Variants in TNFRSF9 observed in about 807,000 individuals in gnomAD.
The protein encoded by TNFRSF9 is TNF receptor superfamily member 9, also known as tumor necrosis factor receptor superfamily member 9.
A neutral mutation model predicts 28.8 loss-of-function variants in TNFRSF9; 16 were observed. That is an observed-to-expected ratio of 0.55 (90% CI 0.38 to 0.84). The LOEUF is 0.84. Among genes scored for constraint, TNFRSF9 ranks in the 40% least tolerant of loss-of-function variants. The pLI is 0.00. For missense variants in TNFRSF9, 303 were observed against 315.0 expected, an observed-to-expected ratio of 0.96 and a Z score of 0.29; for synonymous variants, 131 against 117.0, an observed-to-expected ratio of 1.12 and a Z score of -0.77.
intron 7 of TNFRSF9, among the ~76,000 whole-genome samples, chr1:7,923,768 G>T (rs1215357041): frequency 6.6e-6 from 1 of 152,108 alleles, no homozygotes; most frequent in East Asian, 1.9e-4. Context: ...AGCCCAGGAA[G>T]TTGAGGCTGC....
At position 7,916,569 on chromosome 1, in the gene TNFRSF9, C is replaced by T. The variant is rs2151407635; in HGVS notation, c.*4266G>A. 6.6e-6 allele frequency: 1 copy of T among 152,248 alleles called. No homozygotes were observed. Among genetic ancestry groups the T allele is most frequent in the Non-Finnish European group, 1.5e-5 (1 of 68,038 alleles). The allele number at this position is 152,248 out of a possible 1,614,324, so 9.4% of individuals were successfully genotyped here. On this transcript the variant is annotated 3_prime_UTR_variant, in exon 8 of 8. Transcript: ENST00000377507. ...CCTGTGGGGCATGACCAGTCTCTTT[C>T]TGTTTGTGGATAGTCAGCAGTAGGT...
At chr1:7,924,792 A>C (rs1233646153) in intron 7 of TNFRSF9, among the ~76,000 whole-genome samples, 1 of 152,172 alleles carries the variant, frequency 6.6e-6, no homozygotes, top group Non-Finnish European at 1.5e-5. Flanking sequence ...CAAGATGTGG[A>C]GGTGGCAGAC....
chr1:7,938,693 G>A (rs1458773861), intron 3 of TNFRSF9, 28 bp downstream of exon 3: 1 of 1,503,760 alleles, frequency 6.6e-7, no homozygotes, highest in Non-Finnish European at 9.1e-7. Context: ...CTATCTTCTA[G>A]AAGAAGAAAA....
At position 7,933,251 on chromosome 1, in the gene TNFRSF9, G is replaced by A. The variant is rs1468842421; in HGVS notation, c.590C>T (p.Thr197Ile). Residue 197 changes from threonine to isoleucine, a missense_variant, in exon 7 of 8, where the codon ACT becomes ATT. By Grantham distance (89) the Thr-to-Ile change is moderately conservative (BLOSUM62 -1). Coordinates refer to ENST00000377507, the MANE Select transcript of TNFRSF9 (RefSeq NM_001561.6). ...GAAGAACAGCAGGAAGAGCAACGCA[G>A]TCGACGTCAGCGCAAGAAAGAAGGA... ...IISFFLALTS[T>I]ALLFLLFFLT... 6.2e-7 allele frequency: 1 copy of A among 1,613,970 alleles called. No homozygotes were observed. The highest frequency in any genetic ancestry group is 1.7e-5 in the Admixed American group (1 of 60,006).
Position 7,939,924 on chromosome 1 carries a change from A to C in TNFRSF9, c.71T>G (p.Leu24Trp). 6.2e-7 allele frequency: 1 copy of C among 1,605,200 alleles called. No homozygotes were observed. The highest frequency in any genetic ancestry group is 8.5e-7 in the Non-Finnish European group (1 of 1,172,726). Residue 24 changes from leucine (L) to tryptophan (W), a missense_variant, in exon 2 of 8, where the codon TTG becomes TGG. Transcript: ENST00000377507. ...TGGGCAGTTACTACAAGGATCCTGC[A>C]ATGATCTTGTCCTCTCAAAGTTGAG... ...LVLNFERTRS[L>W]QDPCSNCPAG...
At position 7,933,287 on chromosome 1, in the gene TNFRSF9, G is replaced by A. The variant is rs982877326; in HGVS notation, c.554C>T (p.Pro185Leu). 6 of 1,613,086 alleles carry A rather than the reference G, an allele frequency of 3.7e-6. No individual in the cohort carries two copies. Among genetic ancestry groups the A allele is most frequent in the Middle Eastern group, 1.7e-4 (1 of 6,054 alleles). Residue 185 changes from proline (P) to leucine (L), a missense_variant, in exon 7 of 8, where the codon CCG becomes CTG. Pro to Leu is a moderately conservative substitution (Grantham distance 98). Coordinates refer to ENST00000377507, the MANE Select transcript of TNFRSF9 (RefSeq NM_001561.6). Reference protein sequence around the residue: ...PAPAREPGHSPQIISFFLALT... With the variant: ...PAPAREPGHSLQIISFFLALT... ...CGCAAGAAAGAAGGAGATGATCTGC[G>A]GAGAGTGTCCTGCAAAACACAGCAA...
At chr1:7,934,718 A>T (rs1301418062) in intron 6 of TNFRSF9, among the ~76,000 whole-genome samples, 1 of 151,878 alleles carries the variant, frequency 6.6e-6, no homozygotes, top group Non-Finnish European at 1.5e-5. Context: ...AAAACAAAAA[A>T]AAAGAAAAGA....
chr1:7,938,646 C>T, intron 3 of TNFRSF9, 75 bp downstream of exon 3: 1 of 1,232,146 alleles, frequency 8.1e-7, no homozygotes, highest in Admixed American at 2.0e-5. Context: ...CAAAAGAGAG[C>T]AGTTAGTAAA....
Position 7,920,771 on chromosome 1 carries a change from G to A in TNFRSF9, c.*64C>T, listed in dbSNP as rs887187340. Reference sequence around the variant, plus strand: ...GTTCTTGCTTTTGAAAGCTGTGATAGCGGATGACTCATATTTCCTTGCTTC... The same window carrying A: ...GTTCTTGCTTTTGAAAGCTGTGATAACGGATGACTCATATTTCCTTGCTTC... On this transcript the variant is annotated 3_prime_UTR_variant, in exon 8 of 8. Transcript: ENST00000377507. 3.7e-5 allele frequency: 47 copies of A among 1,271,278 alleles called. 1 individual carries two copies. The highest frequency in any genetic ancestry group is 1.9e-4 in the Middle Eastern group (1 of 5,402). 78.7% of individuals were successfully genotyped at this position (1,271,278 alleles called of 1,614,324 possible). A position where few individuals can be genotyped will look rare whatever the true frequency, so the allele number is the denominator to read the frequency against.
intron 7 of TNFRSF9, among the ~76,000 whole-genome samples, chr1:7,925,782 A>G (rs181793354): frequency 2.6e-5 from 4 of 152,218 alleles, no homozygotes; most frequent in Admixed American, 1.3e-4. Context: ...TCATGCTCCT[A>G]TGAGAATCTA....
Position 7,928,251 on chromosome 1 carries a change from C to T in TNFRSF9, c.679+4911G>A, listed in dbSNP as rs149085170. Among the ~76,000 whole-genome samples the T allele has an allele frequency of 5.0e-4, 76 of 152,302 alleles. No individual in the cohort carries two copies. In the East Asian group the frequency reaches 0.014, roughly 29 times the overall value. The stretch of plus-strand genomic sequence containing the variant: ...GTTCGACAACTTCTTAAAAACTAAA[C>T]AAGCACCAAACATATAGCCCAGCAA... On this transcript the variant is annotated intron_variant, in intron 7 of 7. Coordinates refer to ENST00000377507, the MANE Select transcript of TNFRSF9 (RefSeq NM_001561.6).
At chr1:7,924,348 C>G (rs1015850090) in intron 7 of TNFRSF9, among the ~76,000 whole-genome samples, 1 of 143,400 alleles carries the variant, frequency 7.0e-6, no homozygotes, top group Non-Finnish European at 1.5e-5. Context: ...CAGTTAAGGC[C>G]GGGTGTTGTG....
chr1:7,925,754 C>T (rs1486506683), intron 7 of TNFRSF9, among the ~76,000 whole-genome samples: 1 of 152,110 alleles, frequency 6.6e-6, no homozygotes, highest in Admixed American at 6.6e-5. Context: ...CCCTCGTATG[C>T]GCAGTTCACA....
At chr1:7,937,210 C>T (rs1026094559) in intron 5 of TNFRSF9, among the ~76,000 whole-genome samples, 3 of 152,318 alleles carry the variant, frequency 2.0e-5, no homozygotes, top group African/African-American at 7.2e-5. Flanking sequence ...GCTCTCTGCT[C>T]TGGAGTGCGA....
At chr1:7,924,294 CATATATATATATAT>C (rs58569630) in intron 7 of TNFRSF9, among the ~76,000 whole-genome samples, 16,480 of 129,876 alleles carry the variant, frequency 0.13, 1,328 homozygotes, top group Non-Finnish European at 0.16. Context: ...TAGTATATTC[CATATATATATATAT>C]ATATATATAT....
chr1:7,926,182 T>G (rs1054483512), intron 7 of TNFRSF9, among the ~76,000 whole-genome samples: 6 of 152,208 alleles, frequency 3.9e-5, no homozygotes, highest in African/African-American at 1.4e-4. Context: ...ATTACAGACA[T>G]GAGCCACTGC....
chr1:7,929,977 T>TTA (rs1639709328), intron 7 of TNFRSF9, among the ~76,000 whole-genome samples: 1 of 150,308 alleles, frequency 6.7e-6, no homozygotes, highest in Admixed American at 6.7e-5. Flanking sequence ...CTTTTTTTTT[T>TTA]TTTTTTTTTG....
intron 7 of TNFRSF9, among the ~76,000 whole-genome samples, chr1:7,927,136 G>A (rs1292634122): frequency 6.6e-6 from 1 of 152,102 alleles, no homozygotes; most frequent in Non-Finnish European, 1.5e-5. Context: ...TCCACTGGAG[G>A]CTATATGATC....
rs1201716010 is a variant in TNFRSF9 at position 7,916,358 on chromosome 1, T to A, written c.*4477A>T. 6.6e-6 allele frequency: 1 copy of A among 152,206 alleles called. No homozygotes were observed. Among genetic ancestry groups the A allele is most frequent in the African/African-American group, 2.4e-5 (1 of 41,454 alleles). 9.4% of individuals were successfully genotyped at this position (152,206 alleles called of 1,614,324 possible). A position where few individuals can be genotyped will look rare whatever the true frequency, so the allele number is the denominator to read the frequency against. ...ATTGTCATTTAGGGGGAGCAATGAC[T>A]CACATGCCAAGTTCCTGTGTTTTTC... On this transcript the variant is annotated 3_prime_UTR_variant, in exon 8 of 8. Transcript: ENST00000377507.
Sources: allele counts gnomAD v4.1 joint callset (sites outside exome capture counted in the v4.1 genomes callset), GRCh38; gene constraint gnomAD v4.1.1; transcripts MANE v1.5; gene names NCBI Gene and HGNC (gene_info 2026-07-23, HGNC 2026-07-21).